Variants in ESF1 observed in about 807,000 individuals in gnomAD.
ESF1 encodes ESF1 nucleolar pre-rRNA processing protein, also known as ESF1 homolog.
ESF1 carries 58 observed loss-of-function variants against 92.0 expected under a neutral mutation model. The observed-to-expected ratio is 0.63, with a 90% confidence interval of 0.51 to 0.78. The LOEUF (loss-of-function observed/expected upper bound fraction) is 0.78, where lower values mean the gene tolerates loss of function less well. Ranked by LOEUF, ESF1 falls within the 30% of genes least tolerant of loss-of-function variation. The probability of loss-of-function intolerance (pLI) is 0.00; values close to 1 mark genes in which losing one functional copy is unlikely to be tolerated. For missense variants in ESF1, 922 were observed against 989.1 expected (o/e 0.93, Z 0.91); for synonymous variants, 321 against 313.7 (o/e 1.02, Z -0.24).
chr20:13,775,082 C>CAAA (rs67609153), intron 4 of ESF1, 75 bp downstream of exon 4: 55 of 732,450 alleles, frequency 7.5e-5, no homozygotes, highest in Admixed American at 1.0e-4. Context: ...AAACTATGGC[C>CAAA]AAAAAAAAAA....
chr20:13,782,905 G>A lies in ESF1; in HGVS notation c.236C>T (p.Ser79Phe). The A allele has an allele frequency of 6.2e-7, 1 of 1,613,944 alleles. No homozygotes were observed. The highest frequency in any genetic ancestry group is 2.2e-5 in the East Asian group (1 of 44,876). The change falls in exon 2 of 14, where the codon TCC (serine) becomes TTC (phenylalanine). Residue 79 changes from serine to phenylalanine, a missense_variant. By Grantham distance (155) the Ser-to-Phe change is radical (BLOSUM62 -2). Coordinates refer to ENST00000617257, the MANE Select transcript of ESF1 (RefSeq NM_001276380.2). Reference protein sequence around the residue: ...KRFYDLSDSDSNLSGEDSKAL... With the variant: ...KRFYDLSDSDFNLSGEDSKAL... ...TTTGCTATCTTCACCAGAGAGATTG[G>A]AATCAGAATCTGAAAGGTCGTAAAA...
chr20:13,764,295 G>A (rs1471655380), intron 8 of ESF1, among the ~76,000 whole-genome samples: 5 of 152,130 alleles, frequency 3.3e-5, no homozygotes, highest in Non-Finnish European at 7.4e-5. Flanking sequence ...AAGATGTGAA[G>A]GTATTAGGCA....
At chr20:13,749,021 T>C (rs971409545) in intron 9 of ESF1, among the ~76,000 whole-genome samples, 9 of 152,078 alleles carry the variant, frequency 5.9e-5, no homozygotes, top group Non-Finnish European at 1.3e-4. Context: ...AAGCTGACAA[T>C]GCTTAGGAAA....
intron 8 of ESF1, among the ~76,000 whole-genome samples, chr20:13,760,350 G>A (rs954852409): frequency 2.6e-5 from 4 of 151,108 alleles, no homozygotes; most frequent in African/African-American, 7.3e-5. Context: ...AGGAAGTGAG[G>A]AGCATCTCTG....
At position 13,731,531 on chromosome 20, in the gene ESF1, CAAA is replaced by C. The variant is rs35867169; in HGVS notation, c.1950+2187_1950+2189del. Among the ~76,000 whole-genome samples, 212 of 71,516 alleles carry C rather than the reference CAAA, an allele frequency of 3.0e-3. 1 individual carries two copies. Among genetic ancestry groups the C allele is most frequent in the African/African-American group, 6.4e-3 (118 of 18,560 alleles). 46.9% of individuals were successfully genotyped at this position (71,516 alleles called of 152,430 possible). A position where few individuals can be genotyped will look rare whatever the true frequency, so the allele number is the denominator to read the frequency against. ...TGGGCGACAGAGCGAGACTCGGTCT[CAAA>C]AAAAAAAAAAAAAAAAAAAAGATAT... On this transcript the variant is annotated intron_variant, in intron 10 of 13. Coordinates refer to ENST00000617257, the MANE Select transcript of ESF1 (RefSeq NM_001276380.2).
At chr20:13,769,322 T>C (rs561166001) in intron 7 of ESF1, among the ~76,000 whole-genome samples, 2 of 151,942 alleles carry the variant, frequency 1.3e-5, no homozygotes, top group African/African-American at 4.8e-5. Context: ...GAAGAGTGTA[T>C]AGGAGAGACA....
Position 13,773,092 on chromosome 20 carries a change from G to A in ESF1, c.1150-477C>T, listed in dbSNP as rs137877667. ...TTTAAAGAAATAGAACAGAACTGAC[G>A]ACAACCTTATACAGATTAGGTATAG... On this transcript the variant is annotated intron_variant, in intron 4 of 13. Transcript: ENST00000617257. Among the ~76,000 whole-genome samples the A allele has an allele frequency of 6.6e-5, 10 of 152,236 alleles. No homozygotes were observed. In the East Asian group the frequency reaches 1.7e-3, roughly 26 times the overall value.
At chr20:13,768,932 G>T (rs1397117682) in intron 7 of ESF1, among the ~76,000 whole-genome samples, 1 of 150,736 alleles carries the variant, frequency 6.6e-6, no homozygotes, top group Non-Finnish European at 1.5e-5. Flanking sequence ...GGAAAAGGGA[G>T]AAGGTAGTCA....
chr20:13,765,497 T>G (rs1305660313), intron 8 of ESF1, among the ~76,000 whole-genome samples: 2 of 152,220 alleles, frequency 1.3e-5, no homozygotes, highest in African/African-American at 4.8e-5. Context: ...GATCATTTCC[T>G]GTTTCCTGAT....
intron 9 of ESF1, among the ~76,000 whole-genome samples, chr20:13,740,278 A>G (rs569798113): frequency 3.3e-5 from 5 of 152,346 alleles, no homozygotes; most frequent in South Asian, 4.1e-4. Flanking sequence ...GAAACAAACT[A>G]TAAGAACCAT....
At position 13,775,917 on chromosome 20, in the gene ESF1, G is replaced by A; in HGVS notation, c.991C>T (p.His331Tyr). The change falls in exon 3 of 14, where the codon CAT becomes TAT. Residue 331 changes from histidine to tyrosine, a missense_variant. Transcript: ENST00000617257. ...TCTTTATCTAATTCTCTCCAAGCAT[G>A]CTCAAAACCAGATTCTTCTGGAAAC... Reference protein sequence around the residue: ...DLFPEESGFEHAWRELDKDAP... With the variant: ...DLFPEESGFEYAWRELDKDAP... 6.2e-7 allele frequency: 1 copy of A among 1,613,278 alleles called. No homozygotes were observed. The highest frequency in any genetic ancestry group is 8.5e-7 in the Non-Finnish European group (1 of 1,179,658).
intron 9 of ESF1, among the ~76,000 whole-genome samples, chr20:13,741,681 G>A (rs914105896): frequency 6.6e-6 from 1 of 152,030 alleles, no homozygotes; most frequent in African/African-American, 2.4e-5. Context: ...ACATCTTTTA[G>A]TAAAAAATCA....
intron 2 of ESF1, among the ~76,000 whole-genome samples, chr20:13,776,569 C>T (rs6131520): frequency 0.063 from 9,523 of 152,198 alleles, 488 homozygotes; most frequent in East Asian, 0.18. Context: ...GTGCCTGCTA[C>T]GTGCTAAGTG....
At chr20:13,716,665 GGGTCTTGTT>G (rs2049828114) in intron 13 of ESF1, among the ~76,000 whole-genome samples, 2 of 145,470 alleles carry the variant, frequency 1.4e-5, no homozygotes, top group Non-Finnish European at 3.0e-5. Flanking sequence ...TTTTGAGACA[GGGTCTTGTT>G]CTGTTGCCCA....
intron 7 of ESF1, among the ~76,000 whole-genome samples, chr20:13,767,782 C>T (rs1318000454): frequency 6.6e-6 from 1 of 152,124 alleles, no homozygotes; most frequent in Non-Finnish European, 1.5e-5. Context: ...TGGCTCCTGC[C>T]CTGTACATAG....
chr20:13,769,767 G>C (rs1211666039), intron 7 of ESF1, 140 bp downstream of exon 7: 3 of 652,960 alleles, frequency 4.6e-6, no homozygotes, highest in East Asian at 2.8e-5. Flanking sequence ...GCCTGGGTGA[G>C]AGAGCGAGAC....
At chr20:13,781,971 G>C (rs1980211585) in intron 2 of ESF1, among the ~76,000 whole-genome samples, 1 of 152,162 alleles carries the variant, frequency 6.6e-6, no homozygotes, top group Non-Finnish European at 1.5e-5. Flanking sequence ...CCACCTCCCA[G>C]GTTCAAGCAA....
chr20:13,775,263 C>A lies in ESF1; in HGVS notation c.1043G>T (p.Arg348Leu). The change falls in exon 4 of 14, where the codon CGT (arginine) becomes CTT (leucine). Residue 348 changes from arginine (R) to leucine (L), a missense_variant. Arg to Leu is a moderately radical substitution (Grantham distance 102, BLOSUM62 -2). Transcript: ENST00000617257. ...KDAPRADEIT[R>L]RLAVCNMDWD... ...GTCCATGTTACAAACTGCTAATCGA[C>A]GTGTAATCTGAGAAATGAGAAGAAT... 1 of 1,587,634 alleles carries A rather than the reference C, an allele frequency of 6.3e-7. No homozygotes were observed. Among genetic ancestry groups the A allele is most frequent in the Non-Finnish European group, 8.6e-7 (1 of 1,163,876 alleles).
chr20:13,724,088 AG>A (rs1461537699), intron 11 of ESF1, among the ~76,000 whole-genome samples: 1 of 152,196 alleles, frequency 6.6e-6, no homozygotes, highest in East Asian at 1.9e-4. Flanking sequence ...TGAAGTCAGG[AG>A]TTCAAGACCA....
Sources: gnomAD v4.1 joint callset for allele counts (sites outside exome capture counted in the v4.1 genomes callset) on GRCh38, gnomAD v4.1.1 for gene constraint, MANE v1.5 for transcripts, NCBI Gene and HGNC (gene_info 2026-07-23, HGNC 2026-07-21) for gene names.